The following PPP2R5C variants were observed in gnomAD, a reference collection of about 807,000 sequenced individuals.
PPP2R5C encodes the protein protein phosphatase 2 regulatory subunit B'gamma, also known as serine/threonine-protein phosphatase 2A 56 kDa regulatory subunit gamma isoform.
Under a neutral mutation model 68.9 loss-of-function variants are expected in PPP2R5C, and 7 were observed. That is an observed-to-expected ratio of 0.10 (90% confidence interval 0.06 to 0.19). The LOEUF (loss-of-function observed/expected upper bound fraction) is 0.19. Ranked by LOEUF, PPP2R5C falls within the 10% of genes least tolerant of loss-of-function variation. PPP2R5C has a pLI of 1.00. For synonymous variants in PPP2R5C, 210 were observed against 222.2 expected (o/e 0.95, Z 0.49); for missense variants, 348 against 641.3 (o/e 0.54, Z 4.94).
intron 1 of PPP2R5C, chr14:101,819,175 T>G (rs779025330): frequency 8.2e-6 from 10 of 1,220,844 alleles, no homozygotes; most frequent in Non-Finnish European, 1.1e-5. Flanking sequence ...CGGTTTTGGT[T>G]TTTTTCCCAG....
At chr14:101,847,918 T>C (rs2896432) in intron 1 of PPP2R5C, among the ~76,000 whole-genome samples, 33,623 of 151,988 alleles carry the variant, frequency 0.22, 4,157 homozygotes, top group African/African-American at 0.33. Flanking sequence ...TCCTCGGCCT[T>C]CCAAAGTGCT....
intron 10 of PPP2R5C, among the ~76,000 whole-genome samples, chr14:101,908,331 A>G (rs2046179275): frequency 1.3e-5 from 2 of 152,262 alleles, no homozygotes; most frequent in Admixed American, 1.3e-4. Context: ...AATACAGCAC[A>G]TCCACCCTCA....
rs1247346690 is a variant in PPP2R5C, at chr14:101,917,051, C to G, written c.1327-780C>G. Among the ~76,000 whole-genome samples the G allele has an allele frequency of 6.6e-6, 1 of 152,180 alleles. No individual in the cohort carries two copies. The highest frequency in any genetic ancestry group is 1.5e-5 in the Non-Finnish European group (1 of 68,038). On this transcript the variant is annotated intron_variant, in intron 12 of 13. Coordinates refer to ENST00000334743, the Ensembl canonical transcript of PPP2R5C. The surrounding 1 kb of genome is among the most constrained non-coding windows in gnomAD (Gnocchi z 4.4). Reference sequence around the variant, plus strand: ...CGCCTGTGCCCTCAGAGCCAGCAGACGCTCGTCACAGTCATACTGTCCTGT... The same window carrying G: ...CGCCTGTGCCCTCAGAGCCAGCAGAGGCTCGTCACAGTCATACTGTCCTGT...
chr14:101,876,940 C>CTTTTT (rs11318528), intron 2 of PPP2R5C, among the ~76,000 whole-genome samples: 2 of 90,892 alleles, frequency 2.2e-5, no homozygotes, highest in African/African-American at 4.9e-5. Context: ...AGGATTTACG[C>CTTTTT]TTTTTTTTTT....
In PPP2R5C at chr14:101,877,636, C is replaced by T. The variant is rs1254234780; in HGVS notation, c.295-4525C>T. On this transcript the variant is annotated intron_variant, in intron 2 of 13. Transcript: ENST00000334743. This position sits in a 1 kb window ranked among gnomAD's most constrained non-coding sequence, Gnocchi z 4.2. The stretch of plus-strand genomic sequence containing the variant: ...TGGGGCTCCTGCCCCTGATTCGCCC[C>T]TGCAGCTTTTGTGTTAAGAAATGTT... Among the ~76,000 whole-genome samples, 1 of 152,184 alleles carries T rather than the reference C, an allele frequency of 6.6e-6. No individual in the cohort carries two copies. The highest frequency in any genetic ancestry group is 1.5e-5 in the Non-Finnish European group (1 of 68,038).
intron 2 of PPP2R5C, among the ~76,000 whole-genome samples, chr14:101,776,354 T>C (rs2037422109): frequency 6.6e-6 from 1 of 152,128 alleles, no homozygotes; most frequent in South Asian, 2.1e-4. Flanking sequence ...TTTTTTTAGA[T>C]GTTGCCCAAA....
At position 101,847,978 on chromosome 14, in the gene PPP2R5C, G is replaced by A. The variant is rs563889598; in HGVS notation, c.95-8708G>A. 1.5e-4 allele frequency among the ~76,000 whole-genome samples: 23 copies of A among 152,164 alleles called. No homozygotes were observed. The East Asian group carries it at 2.9e-3, about 19-fold the overall frequency. ...GCATGAGCCAGGCATGAGCCACTGC[G>A]CCCGGCCTTGAGACTTTAGTTCTTA... On this transcript the variant is annotated intron_variant, in intron 1 of 13. Coordinates refer to ENST00000334743, the Ensembl canonical transcript of PPP2R5C.
intron 5 of PPP2R5C, among the ~76,000 whole-genome samples, chr14:101,886,593 T>C (rs771985215): frequency 6.6e-6 from 1 of 152,210 alleles, no homozygotes; most frequent in East Asian, 1.9e-4. Flanking sequence ...GCAAGCATGC[T>C]ATCTAGATTC....
In PPP2R5C at chr14:101,882,648, C is replaced by A; in HGVS notation, c.405+377C>A. 1 of 172,026 alleles carries A rather than the reference C, an allele frequency of 5.8e-6. No homozygotes were observed. The allele number at this position is 172,026 out of a possible 1,614,324, so 10.7% of individuals were successfully genotyped here. A position where few individuals can be genotyped will look rare whatever the true frequency, so the allele number is the denominator to read the frequency against. On this transcript the variant is annotated intron_variant, in intron 3 of 13. Coordinates refer to ENST00000334743, the Ensembl canonical transcript of PPP2R5C. This position sits in a 1 kb window ranked among gnomAD's most constrained non-coding sequence, Gnocchi z 4.9. ...CGCTGGCCACTGCCTTTCCCCAGGG[C>A]ATTTGTAAGGCAGAAGGTTGGTTGG...
At chr14:101,864,402 A>G (rs2042934756) in intron 2 of PPP2R5C, among the ~76,000 whole-genome samples, 1 of 152,084 alleles carries the variant, frequency 6.6e-6, no homozygotes. Flanking sequence ...ACACCATGCT[A>G]CCTCTTGGGG....
chr14:101,780,891 C>T (rs1249942578), intron 2 of PPP2R5C, among the ~76,000 whole-genome samples: 1 of 152,272 alleles, frequency 6.6e-6, no homozygotes, highest in Non-Finnish European at 1.5e-5. Context: ...TTTGGCTCAA[C>T]CCCAGACCCA....
chr14:101,771,209 T>A (rs1043853247), intron 2 of PPP2R5C, among the ~76,000 whole-genome samples: 2 of 147,936 alleles, frequency 1.4e-5, no homozygotes, highest in Non-Finnish European at 3.0e-5. Flanking sequence ...GGCATTTGGC[T>A]TTTTCTTCAT....
intron 2 of PPP2R5C, among the ~76,000 whole-genome samples, chr14:101,868,911 T>C (rs944041621): frequency 4.9e-5 from 7 of 143,044 alleles, no homozygotes; most frequent in Non-Finnish European, 1.1e-4. Context: ...TTTGGTTTTG[T>C]TTGTTTGTTT....
At chr14:101,793,090 C>CT (rs757252826) in intron 3 of PPP2R5C, among the ~76,000 whole-genome samples, 2 of 152,048 alleles carry the variant, frequency 1.3e-5, no homozygotes, top group Admixed American at 6.6e-5. Flanking sequence ...GTTGGCCAGG[C>CT]TGGTCTCAAA....
intron 10 of PPP2R5C, 105 bp from the exon 13 acceptor site, chr14:101,909,484 C>A: frequency 1.5e-6 from 1 of 666,052 alleles, no homozygotes; most frequent in Non-Finnish European, 2.6e-6. Flanking sequence ...CTTAGGGATC[C>A]TGTGCGATGT....
At chr14:101,883,386 AT>A (rs1397923715) in intron 4 of PPP2R5C, 37 bp downstream of exon 6, 1 of 1,610,790 alleles carries the variant, frequency 6.2e-7, no homozygotes, top group East Asian at 2.2e-5. Context: ...GAAAGCCCTG[AT>A]GGAATGATGA....
At chr14:101,876,910 C>T (rs2043816537) in intron 2 of PPP2R5C, among the ~76,000 whole-genome samples, 1 of 150,272 alleles carries the variant, frequency 6.7e-6, no homozygotes, top group African/African-American at 2.4e-5. Flanking sequence ...TCACCACAGC[C>T]CAATGCAAAA....
intron 6 of PPP2R5C, 74 bp downstream of exon 8, chr14:101,890,370 G>T: frequency 7.1e-7 from 1 of 1,401,180 alleles, no homozygotes; most frequent in Non-Finnish European, 1.0e-6. Flanking sequence ...ATTGAGTCCA[G>T]CTGCCCGCTT....
At position 101,877,748 on chromosome 14, in the gene PPP2R5C, A is replaced by T. The variant is rs1033556414; in HGVS notation, c.295-4413A>T. ...CCCGCCCCAGTATTACTTTTTACTT[A>T]ACCTTTTCTAGAGATATGCACTAAA... On this transcript the variant is annotated intron_variant, in intron 2 of 13. Coordinates refer to ENST00000334743, the Ensembl canonical transcript of PPP2R5C. The surrounding 1 kb of genome is among the most constrained non-coding windows in gnomAD (Gnocchi z 4.2). Among the ~76,000 whole-genome samples, 1 of 152,160 alleles carries T rather than the reference A, an allele frequency of 6.6e-6. No homozygotes were observed. Among genetic ancestry groups the T allele is most frequent in the African/African-American group, 2.4e-5 (1 of 41,414 alleles).
Sources: gnomAD v4.1 joint callset for allele counts (sites outside exome capture counted in the v4.1 genomes callset) on GRCh38, gnomAD v4.1.1 for gene constraint, Gnocchi (gnomAD v3.1) non-coding constraint, MANE v1.5 for transcripts, NCBI Gene and HGNC (gene_info 2026-07-23, HGNC 2026-07-21) for gene names.